Variants in TOX2 observed in about 807,000 individuals in gnomAD.
TOX2 encodes granulosa cell HMG box 1.
TOX2 carries 15 observed loss-of-function variants against 47.4 expected under a neutral mutation model. That is an observed-to-expected ratio of 0.32 (90% CI 0.21 to 0.49). The LOEUF is 0.49. TOX2 is among the 20% of genes least tolerant of loss of function. TOX2 has a pLI of 0.99. For missense variants in TOX2, 622 were observed against 673.1 expected (o/e 0.92, Z 0.84); for synonymous variants, 290 against 296.6 (o/e 0.98, Z 0.23).
intron 1 of TOX2, chr20:43,945,990 C>T: frequency 1.2e-6 from 2 of 1,614,140 alleles, no homozygotes; most frequent in African/African-American, 1.3e-5. Context: ...GACTCGGGCT[C>T]CTTCTACTTG....
At chr20:43,993,075 C>T (rs1247453212) in intron 2 of TOX2, among the ~76,000 whole-genome samples, 1 of 152,066 alleles carries the variant, frequency 6.6e-6, no homozygotes, top group East Asian at 1.9e-4. Context: ...AGGCACGTGG[C>T]ATGTCAGACA....
chr20:44,029,075 A>G (rs1174500633), intron 3 of TOX2, among the ~76,000 whole-genome samples: 2 of 152,198 alleles, frequency 1.3e-5, no homozygotes, highest in Non-Finnish European at 2.9e-5. Flanking sequence ...TTCCTTGGCC[A>G]CAGTGAACCC....
At chr20:43,966,721 T>A (rs1600690885) in intron 1 of TOX2, among the ~76,000 whole-genome samples, 1 of 143,792 alleles carries the variant, frequency 7.0e-6, no homozygotes, top group East Asian at 2.1e-4. Context: ...GCCATTTCAC[T>A]CCAGCCTGGG....
At chr20:43,982,655 C>G (rs1016934916) in intron 2 of TOX2, among the ~76,000 whole-genome samples, 1 of 151,632 alleles carries the variant, frequency 6.6e-6, no homozygotes, top group Non-Finnish European at 1.5e-5. Context: ...AGCCCACTGC[C>G]CAGCACAGCA....
Position 43,940,648 on chromosome 20 carries a change from G to T in TOX2, c.99+25658G>T, listed in dbSNP as rs200129926. Among the ~76,000 whole-genome samples, 9 of 152,202 alleles carry T rather than the reference G, an allele frequency of 5.9e-5. No homozygotes were observed. In the East Asian group the frequency reaches 1.5e-3, roughly 26 times the overall value. On this transcript the variant is annotated intron_variant, in intron 1 of 8. Coordinates refer to ENST00000341197, the MANE Select transcript of TOX2 (RefSeq NM_001098797.2). Reference sequence around the variant, plus strand: ...GTGAGAGGCTGAGCCAGAGTCGCAGGGATGGAGGGAGAAGAGGTGACTGCA... The same window carrying T: ...GTGAGAGGCTGAGCCAGAGTCGCAGTGATGGAGGGAGAAGAGGTGACTGCA...
Position 43,916,783 on chromosome 20 carries a change from G to A in TOX2, c.99+1793G>A, listed in dbSNP as rs1415290022. Among the ~76,000 whole-genome samples, 1 of 152,170 alleles carries A rather than the reference G, an allele frequency of 6.6e-6. No individual in the cohort carries two copies. Among genetic ancestry groups the A allele is most frequent in the Non-Finnish European group, 1.5e-5 (1 of 68,042 alleles). The stretch of plus-strand genomic sequence containing the variant: ...TGTGCCTCAAAGTCTGAGTGGGTGG[G>A]GGTTTAGCCTGGAGCGCTCCGTTTG... On this transcript the variant is annotated intron_variant, in intron 1 of 8. Coordinates refer to ENST00000341197, the MANE Select transcript of TOX2 (RefSeq NM_001098797.2). The surrounding 1 kb of genome is among the most constrained non-coding windows in gnomAD (Gnocchi z 5.0).
chr20:44,020,328 T>C (rs1330967031), intron 3 of TOX2, among the ~76,000 whole-genome samples: 1 of 152,010 alleles, frequency 6.6e-6, no homozygotes, highest in Non-Finnish European at 1.5e-5. Context: ...AGGGAGAGCA[T>C]TAGGACAAAT....
At chr20:44,037,789 C>A (rs539761898) in intron 3 of TOX2, among the ~76,000 whole-genome samples, 17 of 152,184 alleles carry the variant, frequency 1.1e-4, no homozygotes, top group African/African-American at 3.9e-4. Context: ...TTCTTTATAG[C>A]AGTATGAGAA....
intron 3 of TOX2, among the ~76,000 whole-genome samples, chr20:44,038,330 A>G (rs1325344055): frequency 6.6e-6 from 1 of 152,142 alleles, no homozygotes; most frequent in Non-Finnish European, 1.5e-5. Context: ...TGGGAGGTGG[A>G]GGCTGCAGTG....
chr20:44,018,776 G>A (rs1425375843), intron 3 of TOX2, among the ~76,000 whole-genome samples: 2 of 152,190 alleles, frequency 1.3e-5, no homozygotes, highest in Non-Finnish European at 2.9e-5. Flanking sequence ...GAGGCTGGGA[G>A]CGTTTCCAGG....
intron 2 of TOX2, among the ~76,000 whole-genome samples, chr20:43,991,915 G>C (rs545259565): frequency 1.3e-5 from 2 of 152,098 alleles, no homozygotes; most frequent in African/African-American, 2.4e-5. Context: ...GATTACAGAC[G>C]TGAGCCACTG....
In TOX2 at chr20:44,053,439, T is replaced by C. The variant is rs377120173; in HGVS notation, c.652-860T>C. Among the ~76,000 whole-genome samples, 1,299 of 143,100 alleles carry C rather than the reference T, an allele frequency of 9.1e-3. 7 individuals are homozygous for C. Among genetic ancestry groups the C allele is most frequent in the Non-Finnish European group, 0.011 (759 of 66,066 alleles). 93.9% of individuals were successfully genotyped at this position (143,100 alleles called of 152,430 possible). ...GCTCACAAGTGGGAGGGCAGATATA[T>C]ACACACACACACACACACACACACA... On this transcript the variant is annotated intron_variant, in intron 4 of 8. Transcript: ENST00000341197.
At chr20:44,051,680 T>C in intron 4 of TOX2, 135 bp downstream of exon 4, 1 of 1,336,562 alleles carries the variant, frequency 7.5e-7, no homozygotes, top group Non-Finnish European at 9.9e-7. Context: ...GTAGGTGCCA[T>C]TCCCACTGAG....
intron 3 of TOX2, among the ~76,000 whole-genome samples, chr20:44,040,643 G>A (rs375670128): frequency 1.1e-4 from 17 of 152,312 alleles, no homozygotes; most frequent in Admixed American, 9.2e-4. Flanking sequence ...GACATGGTCA[G>A]CACAGTGTCT....
At chr20:44,009,416 G>A (rs1023410559) in intron 3 of TOX2, among the ~76,000 whole-genome samples, 3 of 152,200 alleles carry the variant, frequency 2.0e-5, no homozygotes, top group Admixed American at 2.0e-4. Context: ...AGAGTTCAAT[G>A]AAAATGGATG....
chr20:43,948,175 G>C (rs985128802), intron 1 of TOX2, among the ~76,000 whole-genome samples: 6 of 152,182 alleles, frequency 3.9e-5, no homozygotes, highest in African/African-American at 1.4e-4. Flanking sequence ...CCTGAAACCA[G>C]GGTGTCTGTT....
At position 43,914,935 on chromosome 20, in the gene TOX2, G is replaced by A. The variant is rs962909005; in HGVS notation, c.44G>A (p.Arg15Gln). The part of the protein sequence containing the change: ...LYPSAPAVGA[R>Q]PGAEPAGLAH... Reference sequence around the variant, plus strand: ...CCCTCGGCGCCCGCGGTGGGCGCGCGGCCCGGGGCCGAGCCGGCCGGCCTG... The same window carrying A: ...CCCTCGGCGCCCGCGGTGGGCGCGCAGCCCGGGGCCGAGCCGGCCGGCCTG... The change falls in exon 1 of 9, where the codon CGG (arginine) becomes CAG (glutamine). Residue 15 changes from arginine (R) to glutamine (Q), a missense_variant. Transcript: ENST00000341197. The surrounding 1 kb of genome is among the most constrained non-coding windows in gnomAD (Gnocchi z 4.5). 2 of 1,197,916 alleles carry A rather than the reference G, an allele frequency of 1.7e-6. No individual in the cohort carries two copies. The highest frequency in any genetic ancestry group is 1.6e-5 in the African/African-American group (1 of 61,816). The allele number at this position is 1,197,916 out of a possible 1,614,324, so 74.2% of individuals were successfully genotyped here.
At chr20:43,951,245 C>T (rs953805575) in intron 1 of TOX2, among the ~76,000 whole-genome samples, 4 of 152,276 alleles carry the variant, frequency 2.6e-5, no homozygotes, top group South Asian at 2.1e-4. Flanking sequence ...ATAGCCTTCA[C>T]GTCTACCTCT....
At chr20:43,976,955 C>G (rs1366531543) in intron 2 of TOX2, among the ~76,000 whole-genome samples, 1 of 152,168 alleles carries the variant, frequency 6.6e-6, no homozygotes, top group Non-Finnish European at 1.5e-5. Context: ...GATAAACACT[C>G]TAAATGGCTT....
Sources: gnomAD v4.1 joint callset for allele counts (sites outside exome capture counted in the v4.1 genomes callset) on GRCh38, gnomAD v4.1.1 for gene constraint, Gnocchi (gnomAD v3.1) non-coding constraint, MANE v1.5 for transcripts, NCBI Gene and HGNC (gene_info 2026-07-23, HGNC 2026-07-21) for gene names.